Variants in NEK5 observed in about 807,000 individuals in gnomAD.
The protein encoded by NEK5 is serine/threonine-protein kinase Nek5.
NEK5 carries 88 observed loss-of-function variants against 109.2 expected under a neutral mutation model. The ratio of observed to expected loss-of-function variants is 0.81; its 90% CI spans 0.68 to 0.96. The LOEUF (loss-of-function observed/expected upper bound fraction) is 0.96, where lower values mean the gene tolerates loss of function less well. Among genes scored for constraint, NEK5 ranks in the 40% least tolerant of loss-of-function variants. The pLI is 0.00. For synonymous variants in NEK5, 283 were observed against 299.9 expected (o/e 0.94, Z 0.58); for missense variants, 834 against 920.7 (o/e 0.91, Z 1.22).
chr13:52,047,212 C>T (rs1364452148), intron 23 of NEK5, among the ~76,000 whole-genome samples: 1 of 151,622 alleles, frequency 6.6e-6, no homozygotes, highest in African/African-American at 2.4e-5. Context: ...CTCTTTGACC[C>T]AATACTTTTT....
intron 9 of NEK5, among the ~76,000 whole-genome samples, chr13:52,103,647 C>T (rs1301519103): frequency 6.6e-6 from 1 of 152,230 alleles, no homozygotes; most frequent in Non-Finnish European, 1.5e-5. Flanking sequence ...CTATCTTTGC[C>T]TCAGCTATTT....
At chr13:52,104,147 A>C (rs1167252431) in intron 9 of NEK5, among the ~76,000 whole-genome samples, 2 of 151,824 alleles carry the variant, frequency 1.3e-5, no homozygotes, top group African/African-American at 4.8e-5. Context: ...TTTAGTAGAG[A>C]CGGGGTGTCA....
intron 9 of NEK5, among the ~76,000 whole-genome samples, chr13:52,104,296 C>T (rs746952739): frequency 2.0e-5 from 3 of 152,202 alleles, no homozygotes; most frequent in African/African-American, 4.8e-5. Flanking sequence ...ATATGCTACA[C>T]ATACTATTCT....
chr13:52,110,291 T>A (rs372997770), intron 7 of NEK5, 49 bp downstream of exon 7: 2 of 1,143,506 alleles, frequency 1.7e-6, no homozygotes, highest in African/African-American at 3.1e-5. Flanking sequence ...TAAAAATACA[T>A]ATTTGGGCTA....
intron 21 of NEK5, among the ~76,000 whole-genome samples, chr13:52,064,348 G>A (rs1954650581): frequency 7.1e-6 from 1 of 141,190 alleles, no homozygotes; most frequent in South Asian, 2.3e-4. Context: ...ATCCAGGAGG[G>A]AGGTGGGGGG....
intron 21 of NEK5, 116 bp downstream of exon 21, chr13:52,065,368 G>T: frequency 7.3e-7 from 1 of 1,371,016 alleles, no homozygotes; most frequent in Non-Finnish European, 1.0e-6. Context: ...GAAAGTGTCT[G>T]ATACAAGATC....
intron 16 of NEK5, among the ~76,000 whole-genome samples, chr13:52,085,068 C>T (rs189518327): frequency 1.5e-3 from 235 of 152,194 alleles, no homozygotes; most frequent in African/African-American, 4.8e-3. Flanking sequence ...GTATCCCCAC[C>T]CAAATCTCAC....
At chr13:52,068,833 C>T (rs1018673954) in intron 20 of NEK5, among the ~76,000 whole-genome samples, 16 of 151,904 alleles carry the variant, frequency 1.1e-4, no homozygotes, top group Admixed American at 7.9e-4. Flanking sequence ...ATCAGCTAGG[C>T]GTGGTGGCGC....
chr13:52,101,463 A>C (rs1379630913), intron 11 of NEK5, among the ~76,000 whole-genome samples: 1 of 152,212 alleles, frequency 6.6e-6, no homozygotes, highest in African/African-American at 2.4e-5. Context: ...TTCTTTGGGA[A>C]CCACAAAGTA....
At position 52,101,994 on chromosome 13, in the gene NEK5, A is replaced by G. The variant is rs1830987409; in HGVS notation, c.831T>C (p.Ser277=). 6.2e-7 allele frequency: 1 copy of G among 1,614,150 alleles called. No homozygotes were observed. The highest frequency in any genetic ancestry group is 1.3e-5 in the African/African-American group (1 of 75,056). ...LTPEVIQEEF[S]HMLICRAGAP... The stretch of plus-strand genomic sequence containing the variant: ...CTCCTGCTCTGCATATAAGCATGTG[A>G]CTGAATTCTTCCTGAATGACCTAAA... The change falls in exon 11 of 24, where the codon AGT becomes AGC. Residue 277 remains serine, a synonymous_variant. Coordinates refer to ENST00000684899, the MANE Select transcript of NEK5 (RefSeq NM_001365552.1).
intron 23 of NEK5, among the ~76,000 whole-genome samples, chr13:52,047,697 C>T (rs768527033): frequency 3.9e-5 from 6 of 151,942 alleles, no homozygotes; most frequent in Admixed American, 1.3e-4. Flanking sequence ...AAAAATTAGC[C>T]GGCCATGGTG....
At chr13:52,085,900 GT>G (rs1397600003) in intron 16 of NEK5, among the ~76,000 whole-genome samples, 1 of 151,980 alleles carries the variant, frequency 6.6e-6, no homozygotes, top group Non-Finnish European at 1.5e-5. Context: ...TGTTGGGTTT[GT>G]TTTTTTCCCA....
intron 8 of NEK5, among the ~76,000 whole-genome samples, chr13:52,106,766 CAA>C (rs879640846): frequency 1.5e-5 from 2 of 134,812 alleles, no homozygotes; most frequent in Admixed American, 7.5e-5. Context: ...GACTCCATCT[CAA>C]AAAAAAAAAA....
chr13:52,087,456 T>A lies in NEK5; in HGVS notation c.1276-2A>T, dbSNP rs759056750. ...CTCGGCAGAAGATGGACGAAGACCC[T>A]ATTTATTGAATGAAATAATTTATAA... On this transcript the variant is annotated splice_acceptor_variant, in intron 14 of 23. Transcript: ENST00000684899. LOFTEE classifies it high-confidence loss of function. The A allele has an allele frequency of 1.4e-5, 21 of 1,491,594 alleles. No homozygotes were observed. In the South Asian group the frequency reaches 2.2e-4, roughly 16 times the overall value. 92.4% of individuals were successfully genotyped at this position (1,491,594 alleles called of 1,614,324 possible).
At chr13:52,050,397 A>T (rs1333781550) in intron 22 of NEK5, among the ~76,000 whole-genome samples, 176 bp from the exon 23 acceptor site, 1 of 152,208 alleles carries the variant, frequency 6.6e-6, no homozygotes, top group Non-Finnish European at 1.5e-5. Context: ...TGACAGGAAT[A>T]AGGATCAGAG....
At chr13:52,053,393 T>A (rs1440361516) in intron 22 of NEK5, among the ~76,000 whole-genome samples, 1 of 152,188 alleles carries the variant, frequency 6.6e-6, no homozygotes, top group Non-Finnish European at 1.5e-5. Context: ...TCTGTGTGTA[T>A]GTTTATATGT....
At chr13:52,099,693 A>C (rs769007230) in intron 12 of NEK5, 50 bp downstream of exon 12, 3 of 1,578,874 alleles carry the variant, frequency 1.9e-6, no homozygotes, top group Non-Finnish European at 2.6e-6. Context: ...AACAAACAAA[A>C]AGCATATACC....
chr13:52,049,642 T>C (rs1037574707), intron 23 of NEK5, among the ~76,000 whole-genome samples: 44 of 149,018 alleles, frequency 3.0e-4, no homozygotes, highest in Non-Finnish European at 6.4e-4. Flanking sequence ...TAAAATACAC[T>C]AACACTAACA....
chr13:52,080,562 C>T (rs1461660010), intron 17 of NEK5, among the ~76,000 whole-genome samples: 1 of 152,164 alleles, frequency 6.6e-6, no homozygotes, highest in Admixed American at 6.5e-5. Flanking sequence ...AATTCTTCTG[C>T]CTTGTGATCC....
Sources: gnomAD v4.1 joint callset for allele counts (sites outside exome capture counted in the v4.1 genomes callset) on GRCh38, gnomAD v4.1.1 for gene constraint, MANE v1.5 for transcripts, NCBI Gene and HGNC (gene_info 2026-07-23, HGNC 2026-07-21) for gene names.